Variants in MYO5A observed in about 807,000 individuals in gnomAD.
The protein encoded by MYO5A is myosin VA.
A neutral mutation model predicts 249.7 loss-of-function variants in MYO5A; 98 were observed. The observed-to-expected ratio is 0.39, with a 90% confidence interval of 0.33 to 0.46. The LOEUF (loss-of-function observed/expected upper bound fraction) is 0.46, where lower values mean the gene tolerates loss of function less well. MYO5A is among the 20% of genes least tolerant of loss of function. The pLI is 0.98. For missense variants in MYO5A, 1,696 were observed against 2,308.8 expected (o/e 0.73, Z 5.44); for synonymous variants, 778 against 810.6 (o/e 0.96, Z 0.68).
rs1169632224 is a variant in MYO5A at position 52,383,102 on chromosome 15, C to T, written c.2001G>A (p.Lys667=). The change falls in exon 16 of 42, where the codon AAG becomes AAA. Residue 667 remains lysine, a synonymous_variant. Transcript: ENST00000399233. The stretch of plus-strand genomic sequence containing the variant: ...TCAGAAATACTTACGTGAATGGGAA[C>T]TTGAAGTCATTAGGCTTGATACAGC... ...YVRCIKPNDF[K]FPFTFDEKRA... The T allele has an allele frequency of 6.2e-7, 1 of 1,612,226 alleles. No individual in the cohort carries two copies. Among genetic ancestry groups the T allele is most frequent in the South Asian group, 1.1e-5 (1 of 91,042 alleles).
intron 1 of MYO5A, among the ~76,000 whole-genome samples, chr15:52,499,704 T>C (rs1314304558): frequency 6.6e-6 from 1 of 152,242 alleles, no homozygotes; most frequent in Non-Finnish European, 1.5e-5. Context: ...ATTGTATAAA[T>C]ACACGACATT....
Position 52,372,104 on chromosome 15 carries a change from G to A in MYO5A, c.2817+20C>T, listed in dbSNP as rs185537021. 25 of 1,613,020 alleles carry A rather than the reference G, an allele frequency of 1.5e-5. No individual in the cohort carries two copies. The highest frequency in any genetic ancestry group is 3.7e-4 in the Middle Eastern group (2 of 5,364). On this transcript the variant is annotated intron_variant, in intron 21 of 41. Transcript: ENST00000399233. The stretch of plus-strand genomic sequence containing the variant: ...TTCTTCAGGCATACTCCACTCTCAG[G>A]GCCCCTTTGTGAAACACACCTGCTC...
intron 22 of MYO5A, among the ~76,000 whole-genome samples, 176 bp downstream of exon 22, chr15:52,369,993 C>T (rs2041020389): frequency 1.3e-5 from 2 of 151,210 alleles, no homozygotes; most frequent in Admixed American, 6.6e-5. Flanking sequence ...GACCTACAGC[C>T]TACTCATTGA....
intron 1 of MYO5A, among the ~76,000 whole-genome samples, chr15:52,471,592 A>AACACACACAC (rs111751236): frequency 0.042 from 6,071 of 144,874 alleles, 198 homozygotes; most frequent in East Asian, 0.16. Flanking sequence ...CTGTCTCTAA[A>AACACACACAC]ACACACACAC....
chr15:52,398,903 T>C (rs750961418), intron 9 of MYO5A, among the ~76,000 whole-genome samples: 4 of 151,960 alleles, frequency 2.6e-5, no homozygotes, highest in Non-Finnish European at 4.4e-5. Flanking sequence ...GCAAGAGAAT[T>C]GCTTGAACCT....
chr15:52,391,663 T>A (rs1038278147), intron 12 of MYO5A, among the ~76,000 whole-genome samples: 1 of 152,192 alleles, frequency 6.6e-6, no homozygotes, highest in Non-Finnish European at 1.5e-5. Flanking sequence ...AACAAATTAA[T>A]AACAAAAGTG....
At chr15:52,316,464 C>T (rs776480324) in intron 40 of MYO5A, among the ~76,000 whole-genome samples, 1 of 152,124 alleles carries the variant, frequency 6.6e-6, no homozygotes, top group African/African-American at 2.4e-5. Context: ...CATCTTACTA[C>T]AGAATTTGCT....
chr15:52,409,152 C>G (rs1053337839), intron 6 of MYO5A, among the ~76,000 whole-genome samples: 1 of 152,056 alleles, frequency 6.6e-6, no homozygotes, highest in Non-Finnish European at 1.5e-5. Flanking sequence ...CTAAACAAGA[C>G]AATAAGGATT....
intron 1 of MYO5A, among the ~76,000 whole-genome samples, chr15:52,436,985 C>A (rs10518692): frequency 0.051 from 7,695 of 152,166 alleles, 270 homozygotes; most frequent in East Asian, 0.18. Flanking sequence ...CAAAGGCTTA[C>A]GCACATAGAA....
intron 5 of MYO5A, among the ~76,000 whole-genome samples, chr15:52,414,016 T>C (rs1360832178): frequency 1.3e-5 from 2 of 152,186 alleles, no homozygotes; most frequent in African/African-American, 4.8e-5. Context: ...GTGAAGGTGC[T>C]GGGAGGTGGG....
chr15:52,490,950 C>T (rs893458668), intron 1 of MYO5A, among the ~76,000 whole-genome samples: 4 of 151,940 alleles, frequency 2.6e-5, no homozygotes, highest in African/African-American at 7.3e-5. Context: ...TGAACTCCTG[C>T]GCTCAAGGGA....
At chr15:52,433,388 G>C in intron 1 of MYO5A, 103 bp from the exon 2 acceptor site, 126 of 339,616 alleles carry the variant, frequency 3.7e-4, no homozygotes, top group Middle Eastern at 2.0e-3. Context: ...TATGAAAAAA[G>C]AAATCTTGGC....
At chr15:52,369,716 A>G (rs1225122782) in intron 22 of MYO5A, among the ~76,000 whole-genome samples, 1 of 152,118 alleles carries the variant, frequency 6.6e-6, no homozygotes, top group East Asian at 1.9e-4. Context: ...TTTATATTCT[A>G]CTGCTCAAGG....
intron 1 of MYO5A, among the ~76,000 whole-genome samples, chr15:52,516,869 G>A (rs2077506876): frequency 6.6e-6 from 1 of 152,118 alleles, no homozygotes; most frequent in Non-Finnish European, 1.5e-5. Flanking sequence ...ATTATATCAT[G>A]TATAGTAATT....
chr15:52,401,906 G>C (rs2042775762), intron 9 of MYO5A, among the ~76,000 whole-genome samples: 2 of 152,150 alleles, frequency 1.3e-5, no homozygotes, highest in Admixed American at 6.5e-5. Context: ...TAGCTTATCA[G>C]TTTTCTCTTC....
intron 24 of MYO5A, among the ~76,000 whole-genome samples, chr15:52,362,138 C>G (rs1596343965): frequency 6.6e-6 from 1 of 152,192 alleles, no homozygotes; most frequent in East Asian, 1.9e-4. Context: ...ACTTCTTGTA[C>G]TAGGGCCAAC....
chr15:52,466,368 C>T (rs140339304), intron 1 of MYO5A, among the ~76,000 whole-genome samples: 140 of 152,254 alleles, frequency 9.2e-4, no homozygotes, highest in Non-Finnish European at 1.7e-3. Flanking sequence ...CTCCCCCCAA[C>T]CCCACCCATG....
chr15:52,404,592 C>G (rs1223709637), intron 9 of MYO5A, among the ~76,000 whole-genome samples: 1 of 152,088 alleles, frequency 6.6e-6, no homozygotes, highest in East Asian at 1.9e-4. Context: ...GCAGGAGAGA[C>G]CTTTATAGAA....
chr15:52,337,557 G>A (rs780720315), intron 33 of MYO5A, among the ~76,000 whole-genome samples: 2 of 152,204 alleles, frequency 1.3e-5, no homozygotes, highest in African/African-American at 2.4e-5. Flanking sequence ...TGGATTTTAC[G>A]TGACCTTTCA....
Sources: gnomAD v4.1 joint callset for allele counts (sites outside exome capture counted in the v4.1 genomes callset) on GRCh38, gnomAD v4.1.1 for gene constraint, MANE v1.5 for transcripts, NCBI Gene and HGNC (gene_info 2026-07-23, HGNC 2026-07-21) for gene names.